FBXO30: variants seen among roughly 807,000 people sequenced by gnomAD.
The protein encoded by FBXO30 is F-box only protein 30.
FBXO30 carries 21 observed loss-of-function variants against 58.1 expected under a neutral mutation model. The observed-to-expected ratio is 0.36, with a 90% CI of 0.26 to 0.52. FBXO30 has a LOEUF of 0.52. FBXO30 is among the 20% of genes least tolerant of loss of function. The probability of loss-of-function intolerance (pLI) is 0.93; values close to 1 mark genes in which losing one functional copy is unlikely to be tolerated. For synonymous variants in FBXO30, 309 were observed against 312.4 expected, an observed-to-expected ratio of 0.99 and a Z score of 0.11; for missense variants, 744 against 897.3, an observed-to-expected ratio of 0.83 and a Z score of 2.18.
chr6:145,810,031 G>C (rs1453654941), intron 1 of FBXO30: 1 of 152,162 alleles, frequency 6.6e-6, no homozygotes, highest in Non-Finnish European at 1.5e-5. Flanking sequence ...CACTCCTGTG[G>C]TCAAGAAAGT....
rs558883058 is a variant in FBXO30 at position 145,805,771 on chromosome 6, G to A, written c.635C>T (p.Thr212Ile). 22 of 1,613,908 alleles carry A rather than the reference G, an allele frequency of 1.4e-5. No individual in the cohort carries two copies. The highest frequency in any genetic ancestry group is 5.9e-6 in the Non-Finnish European group (7 of 1,179,982). ...TTCATCCATGTCATTTGGGACACTT[G>A]TATTTAACATGCCAATGTCTCTTGT... ...TATRDIGMLN[T>I]SVPNDMDEQQ... The change falls in exon 2 of 3, where the codon ACA (threonine) becomes ATA (isoleucine). Residue 212 changes from threonine to isoleucine, a missense_variant. Coordinates refer to ENST00000237281, the MANE Select transcript of FBXO30 (RefSeq NM_032145.5).
At chr6:145,810,076 T>C (rs1211298314) in intron 1 of FBXO30, among the ~76,000 whole-genome samples, 1 of 152,236 alleles carries the variant, frequency 6.6e-6, no homozygotes, top group African/African-American at 2.4e-5. Context: ...AGCATTTTAC[T>C]CTGCTTTGAA....
Position 145,806,255 on chromosome 6 carries a change from G to A in FBXO30, c.151C>T (p.Leu51Phe), listed in dbSNP as rs368500898. Reference protein sequence around the residue: ...FHSCKADEHRLLCPFERVPCL... With the variant: ...FHSCKADEHRFLCPFERVPCL... Reference sequence around the variant, plus strand: ...GGCACTCGTTCAAATGGACATAAAAGTCGATGCTCATCAGCTTTACAAGAA... The same window carrying A: ...GGCACTCGTTCAAATGGACATAAAAATCGATGCTCATCAGCTTTACAAGAA... The change falls in exon 2 of 3, where the codon CTT (leucine) becomes TTT (phenylalanine). Residue 51 changes from leucine to phenylalanine, a missense_variant. Physicochemically the swap from Leu to Phe is conservative, Grantham distance 22. Around this residue, in one of 3 missense-constraint regions of FBXO30, gnomAD observed 135 missense variants for 201.6 expected, o/e 0.67. Transcript: ENST00000237281. 4.3e-6 allele frequency: 7 copies of A among 1,613,928 alleles called. No individual in the cohort carries two copies. Among genetic ancestry groups the A allele is most frequent in the African/African-American group, 4.0e-5 (3 of 74,884 alleles).
At chr6:145,811,527 T>C (rs147232559) in intron 1 of FBXO30, among the ~76,000 whole-genome samples, 47 of 152,346 alleles carry the variant, frequency 3.1e-4, no homozygotes, top group African/African-American at 1.0e-3. Flanking sequence ...ATTTTTCCAC[T>C]ATTTTAATTC....
chr6:145,807,769 T>C (rs536830204), intron 1 of FBXO30, among the ~76,000 whole-genome samples: 39 of 152,282 alleles, frequency 2.6e-4, no homozygotes, highest in African/African-American at 8.9e-4. Context: ...ATTTTTAGTA[T>C]AATCAACTTC....
intron 1 of FBXO30, among the ~76,000 whole-genome samples, chr6:145,806,967 T>C (rs1410026502): frequency 2.0e-5 from 3 of 152,200 alleles, no homozygotes; most frequent in Admixed American, 1.3e-4. Flanking sequence ...CTTCTATATA[T>C]GCCTTAATAA....
Position 145,805,725 on chromosome 6 carries a change from G to A in FBXO30, c.681C>T (p.Ser227=). 6.2e-7 allele frequency: 1 copy of A among 1,613,974 alleles called. No homozygotes were observed. The highest frequency in any genetic ancestry group is 2.2e-5 in the East Asian group (1 of 44,866). The change falls in exon 2 of 3, where the codon AGC becomes AGT. Residue 227 remains serine, a synonymous_variant. Coordinates refer to ENST00000237281, the MANE Select transcript of FBXO30 (RefSeq NM_032145.5). ...GGTCTTTCAAGTTTTGATCCTCTAA[G>A]CTTTCTCTCGCATTTTGCTGTTCAT... ...DMDEQQNARE[S]LEDQNLKDQD... is the part of the protein sequence containing the mutation.
At chr6:145,810,918 G>C (rs1188072326) in intron 1 of FBXO30, among the ~76,000 whole-genome samples, 1 of 152,038 alleles carries the variant, frequency 6.6e-6, no homozygotes, top group Middle Eastern at 3.2e-3. Context: ...ACACGCCCCT[G>C]CTGCCTCAAC....
chr6:145,805,807 A>G lies in FBXO30; in HGVS notation c.599T>C (p.Leu200Pro). 1.2e-6 allele frequency: 2 copies of G among 1,614,092 alleles called. No homozygotes were observed. Among genetic ancestry groups the G allele is most frequent in the South Asian group, 1.1e-5 (1 of 91,088 alleles). Reference sequence around the variant, plus strand: ...GCCAATGTCTCTTGTAGCAGTATTCAGGATATCCAAAGCAGCAGCCAAACT... The same window carrying G: ...GCCAATGTCTCTTGTAGCAGTATTCGGGATATCCAAAGCAGCAGCCAAACT... The part of the protein sequence containing the change: ...TRSLAAALDI[L>P]NTATRDIGML... The change falls in exon 2 of 3, where the codon CTG (leucine) becomes CCG (proline). Residue 200 changes from leucine (L) to proline (P), a missense_variant. Transcript: ENST00000237281.
rs1777946990 is a variant in FBXO30 at position 145,800,013 on chromosome 6, T to C, written c.*93A>G. 2.3e-5 allele frequency: 20 copies of C among 868,736 alleles called. No homozygotes were observed. The South Asian group carries it at 3.2e-4, about 14-fold the overall frequency. The allele number at this position is 868,736 out of a possible 1,614,324, so 53.8% of individuals were successfully genotyped here. On this transcript the variant is annotated 3_prime_UTR_variant, in exon 3 of 3. Transcript: ENST00000237281. ...TATACACAGTGACAATAAATTTAGC[T>C]AGTTGTAATATTTAATACATTAATA...
rs1242249720 is a variant in FBXO30 at position 145,800,208 on chromosome 6, G to A, written c.2136C>T (p.Val712=). The A allele has an allele frequency of 7.4e-6, 12 of 1,612,954 alleles. No individual in the cohort carries two copies. The highest frequency in any genetic ancestry group is 1.7e-4 in the Middle Eastern group (1 of 6,052). The change falls in exon 3 of 3, where the codon GTC becomes GTT. Residue 712 remains valine (V), a synonymous_variant. Transcript: ENST00000237281. ...DHLKKCSYNV[V]EKREEAIPLP... Reference sequence around the variant, plus strand: ...AAGGGATTGCTTCCTCCCGTTTCTCGACAACATTGTAACTGCATTTCTTCA... The same window carrying A: ...AAGGGATTGCTTCCTCCCGTTTCTCAACAACATTGTAACTGCATTTCTTCA...
chr6:145,800,983 C>T (rs935612490), intron 2 of FBXO30, among the ~76,000 whole-genome samples: 11 of 152,028 alleles, frequency 7.2e-5, no homozygotes, highest in African/African-American at 2.7e-4. Flanking sequence ...ACCTGCCATC[C>T]CTATTCATGT....
At chr6:145,810,813 A>G (rs1778312723) in intron 1 of FBXO30, among the ~76,000 whole-genome samples, 1 of 152,326 alleles carries the variant, frequency 6.6e-6, no homozygotes, top group African/African-American at 2.4e-5. Flanking sequence ...AGAGTCATCT[A>G]ATGTATTCAA....
chr6:145,809,540 G>A (rs1778277075), intron 1 of FBXO30, among the ~76,000 whole-genome samples: 1 of 152,060 alleles, frequency 6.6e-6, no homozygotes, highest in Non-Finnish European at 1.5e-5. Flanking sequence ...CTTGCAACAG[G>A]GTCTGAGTTA....
Position 145,804,786 on chromosome 6 carries a change from A to G in FBXO30, c.1620T>C (p.His540=), listed in dbSNP as rs1217620609. 6.2e-7 allele frequency: 1 copy of G among 1,613,868 alleles called. No homozygotes were observed. The highest frequency in any genetic ancestry group is 1.3e-5 in the African/African-American group (1 of 74,904). ...CATTGAGTCCAGCATGAATGTCACC[A>G]TGCACATTCTTAAAGTGGGAAGAAA... ...KEFSSHFKNV[H]GDIHAGLNGW... Residue 540 remains histidine (H), a synonymous_variant, in exon 2 of 3, where the codon CAT becomes CAC. Transcript: ENST00000237281.
chr6:145,813,745 T>G (rs937725767), intron 1 of FBXO30, among the ~76,000 whole-genome samples: 1 of 152,230 alleles, frequency 6.6e-6, no homozygotes, highest in Admixed American at 6.5e-5. Context: ...AACTTCATCT[T>G]GGATCAGAGT....
chr6:145,804,346 T>A, intron 2 of FBXO30, 26 bp downstream of exon 2: 1 of 1,555,652 alleles, frequency 6.4e-7, no homozygotes, highest in East Asian at 2.2e-5. Flanking sequence ...TTATGTCAAA[T>A]AAGAGGTTGT....
chr6:145,800,582 A>C (rs1453992932), intron 2 of FBXO30, among the ~76,000 whole-genome samples: 2 of 152,290 alleles, frequency 1.3e-5, no homozygotes, highest in African/African-American at 4.8e-5. Flanking sequence ...AATCTGGCTT[A>C]CTAAATGATT....
rs572692583 is a variant in FBXO30 at position 145,804,292 on chromosome 6, A to C, written c.2034+80T>G. 3 of 1,262,060 alleles carry C rather than the reference A, an allele frequency of 2.4e-6. No individual in the cohort carries two copies. The South Asian group carries it at 4.5e-5, about 19-fold the overall frequency. 78.2% of individuals were successfully genotyped at this position (1,262,060 alleles called of 1,614,324 possible). ...TTTAGGGAATGGTCAATTTCTCAAC[A>C]AGATATTAATTGTATTAATTCAGCA... On this transcript the variant is annotated intron_variant, in intron 2 of 2. Transcript: ENST00000237281.
Sources: allele counts gnomAD v4.1 joint callset (sites outside exome capture counted in the v4.1 genomes callset), GRCh38; gene constraint gnomAD v4.1.1; regional missense constraint gnomAD v4.1.1; transcripts MANE v1.5; gene names NCBI Gene and HGNC (gene_info 2026-07-23, HGNC 2026-07-21).